SPRR2G: variants seen among roughly 807,000 people sequenced by gnomAD.
SPRR2G encodes the protein small proline rich protein 2G.
A neutral mutation model predicts 0.7 loss-of-function variants in SPRR2G; 1 was observed. The ratio of observed to expected loss-of-function variants is 1.49; its 90% CI spans 0.53 to 7.06. SPRR2G has a LOEUF of 7.06. Ranked by LOEUF, SPRR2G falls within the 30% of genes most tolerant of loss-of-function variation. The probability of loss-of-function intolerance (pLI) is 0.14; values close to 1 mark genes in which losing one functional copy is unlikely to be tolerated. For synonymous variants in SPRR2G, 38 were observed against 33.9 expected (o/e 1.12, Z -0.42); for missense variants, 96 against 88.5 (o/e 1.09, Z -0.34).
chr1:153,175,885 C>T, the SPRR2G span, among the ~76,000 whole-genome samples: 2 of 152,012 alleles, frequency 1.3e-5, no homozygotes, highest in Non-Finnish European at 2.9e-5. Context: ...GGTGAAACTC[C>T]GTCTCTACTA....
At chr1:153,201,927 T>C in the SPRR2G span, among the ~76,000 whole-genome samples, 129 of 152,362 alleles carry the variant, frequency 8.5e-4, no homozygotes, top group African/African-American at 3.0e-3. Flanking sequence ...CATATTCTTT[T>C]AGCACAAATC....
chr1:153,203,178 T>G, the SPRR2G span, among the ~76,000 whole-genome samples: 13 of 151,916 alleles, frequency 8.6e-5, no homozygotes, highest in African/African-American at 2.9e-4. Flanking sequence ...GCTTTTCTGC[T>G]CCCAGCAACA....
chr1:153,162,965 G>T, the SPRR2G span, among the ~76,000 whole-genome samples: 1 of 152,124 alleles, frequency 6.6e-6, no homozygotes, highest in East Asian at 1.9e-4. Flanking sequence ...TGCCTAAAAT[G>T]ACAATAAAGA....
At chr1:153,193,588 T>C in the SPRR2G span, among the ~76,000 whole-genome samples, 1 of 152,172 alleles carries the variant, frequency 6.6e-6, no homozygotes, top group African/African-American at 2.4e-5. Context: ...TGAGTTAATG[T>C]TAAGCGATTT....
At chr1:153,193,489 T>C in the SPRR2G span, among the ~76,000 whole-genome samples, 1 of 152,162 alleles carries the variant, frequency 6.6e-6, no homozygotes, top group South Asian at 2.1e-4. Context: ...GACACAGGCA[T>C]GCATATGCAC....
At chr1:153,198,749 G>C in the SPRR2G span, among the ~76,000 whole-genome samples, 325 of 152,312 alleles carry the variant, frequency 2.1e-3, 1 homozygote, top group African/African-American at 7.6e-3. Flanking sequence ...TCAGCTTGAG[G>C]TACCAAAGTA....
At chr1:153,181,144 C>G in the SPRR2G span, among the ~76,000 whole-genome samples, 8 of 151,972 alleles carry the variant, frequency 5.3e-5, no homozygotes, top group African/African-American at 1.9e-4. Context: ...TCCAATTTGT[C>G]ATTTTTCCAC....
the SPRR2G span, among the ~76,000 whole-genome samples, chr1:153,187,567 T>C: frequency 6.6e-6 from 1 of 152,108 alleles, no homozygotes; most frequent in Non-Finnish European, 1.5e-5. Context: ...TTTATCTTCT[T>C]CTCCAAACTG....
At chr1:153,177,033 C>T in the SPRR2G span, among the ~76,000 whole-genome samples, 1 of 152,122 alleles carries the variant, frequency 6.6e-6, no homozygotes, top group African/African-American at 2.4e-5. Flanking sequence ...GGTTAGTTTT[C>T]CTTATTCTGC....
the SPRR2G span, among the ~76,000 whole-genome samples, chr1:153,166,997 G>A: frequency 6.6e-6 from 1 of 152,086 alleles, no homozygotes. Context: ...GGAGAAGAGG[G>A]GCCGAGATCC....
At chr1:153,198,985 C>T in the SPRR2G span, among the ~76,000 whole-genome samples, 1 of 151,976 alleles carries the variant, frequency 6.6e-6, no homozygotes, top group African/African-American at 2.4e-5. Context: ...CACAGAGGAC[C>T]AAAAGGGAAG....
the SPRR2G span, among the ~76,000 whole-genome samples, chr1:153,164,644 T>A: frequency 6.6e-6 from 1 of 152,230 alleles, no homozygotes; most frequent in African/African-American, 2.4e-5. Context: ...TCTGGTATAA[T>A]TTAAATCATC....
chr1:153,198,540 G>A, the SPRR2G span, among the ~76,000 whole-genome samples: 1 of 152,142 alleles, frequency 6.6e-6, no homozygotes, highest in African/African-American at 2.4e-5. Context: ...AGAAGCCTGT[G>A]GCTCAGGAGG....
At chr1:153,197,121 C>T in the SPRR2G span, among the ~76,000 whole-genome samples, 1 of 145,808 alleles carries the variant, frequency 6.9e-6, no homozygotes, top group East Asian at 2.1e-4. Context: ...GTGGGTCTCA[C>T]CAGGCAGAGA....
At chr1:153,181,898 C>A in the SPRR2G span, among the ~76,000 whole-genome samples, 2 of 151,812 alleles carry the variant, frequency 1.3e-5, no homozygotes, top group African/African-American at 4.8e-5. Flanking sequence ...TGTGTATATC[C>A]TTTTGATATA....
chr1:153,153,907 G>A (rs1231600719), upstream of SPRR2G, among the ~76,000 whole-genome samples: 1 of 152,108 alleles, frequency 6.6e-6, no homozygotes, highest in Non-Finnish European at 1.5e-5. Context: ...CCTGATCTTA[G>A]AGGAAAAGCT....
chr1:153,157,550 A>G, the SPRR2G span, among the ~76,000 whole-genome samples: 4 of 152,196 alleles, frequency 2.6e-5, no homozygotes, highest in Non-Finnish European at 5.9e-5. Context: ...ATCTAGACAT[A>G]TGCATATACC....
chr1:153,191,102 T>TC, the SPRR2G span: 1 of 152,276 alleles, frequency 6.6e-6, no homozygotes, highest in Non-Finnish European at 1.5e-5. Context: ...GTCTTCTTTT[T>TC]CCCTCTGGTT....
the SPRR2G span, among the ~76,000 whole-genome samples, chr1:153,177,880 C>G: frequency 4.6e-5 from 7 of 150,596 alleles, no homozygotes; most frequent in Non-Finnish European, 4.4e-5. Context: ...AAAAAAAAAG[C>G]CAGCTGGGAT....
Sources: gnomAD v4.1 joint callset for allele counts (sites outside exome capture counted in the v4.1 genomes callset) on GRCh38, gnomAD v4.1.1 for gene constraint, MANE v1.5 for transcripts, NCBI Gene and HGNC (gene_info 2026-07-23, HGNC 2026-07-21) for gene names.